TRIM6: variants seen among roughly 807,000 people sequenced by gnomAD.
The protein encoded by TRIM6 is tripartite motif containing 6, also known as tripartite motif-containing protein 6.
Under a neutral mutation model 51.2 loss-of-function variants are expected in TRIM6, and 43 were observed. The observed-to-expected ratio is 0.84, with a 90% CI of 0.66 to 1.08. The LOEUF (loss-of-function observed/expected upper bound fraction) is 1.08, where lower values mean the gene tolerates loss of function less well. TRIM6 is among the 50% of genes least tolerant of loss of function. The pLI is 0.00. For synonymous variants in TRIM6, 215 were observed against 232.4 expected (o/e 0.93, Z 0.68); for missense variants, 669 against 619.0 (o/e 1.08, Z -0.86).
rs145873528 is a variant in TRIM6 at position 5,605,371 on chromosome 11, C to T, written c.638C>T (p.Thr213Ile). ...QMEPERCRIQTEFNQLRNILD... is the reference protein window; with the variant it reads ...QMEPERCRIQIEFNQLRNILD... ...GAGCCTGAGAGATGCAGGATCCAGACAGAGTTTAATCAGCTGCGAAATATC... is the reference window on the plus strand; with the variant it reads ...GAGCCTGAGAGATGCAGGATCCAGATAGAGTTTAATCAGCTGCGAAATATC... The change falls in exon 4 of 8, where the codon ACA (threonine) becomes ATA (isoleucine). Residue 213 changes from threonine to isoleucine, a missense_variant. By Grantham distance (89) the Thr-to-Ile change is moderately conservative (BLOSUM62 -1). Transcript: ENST00000380097. 2 of 1,614,152 alleles carry T rather than the reference C, an allele frequency of 1.2e-6. No homozygotes were observed. Among genetic ancestry groups the T allele is most frequent in the South Asian group, 2.2e-5 (2 of 91,084 alleles).
rs1327818206 is a variant in TRIM6 at position 5,603,199 on chromosome 11, C to T, written c.18-47C>T. On this transcript the variant is annotated intron_variant, in intron 1 of 7. Transcript: ENST00000380097. ...TGGGCAGTCAGTATTCCCTTATTCT[C>T]CCTCCTTTCTTACCCTGATCCTTTT... 2.0e-5 allele frequency: 32 copies of T among 1,578,178 alleles called. No homozygotes were observed. The Admixed American group carries it at 3.7e-4, about 18-fold the overall frequency.
intron 1 of TRIM6, among the ~76,000 whole-genome samples, chr11:5,600,000 A>C (rs1164335051): frequency 6.6e-6 from 1 of 152,204 alleles, no homozygotes; most frequent in Non-Finnish European, 1.5e-5. Context: ...ATATTAACAA[A>C]GGAAATAATA....
chr11:5,603,648 G>A lies in TRIM6; in HGVS notation c.420G>A (p.Gly140=), dbSNP rs145998177. 1.9e-4 allele frequency: 307 copies of A among 1,613,544 alleles called. No homozygotes were observed. Among genetic ancestry groups the A allele is most frequent in the Non-Finnish European group, 2.1e-4 (245 of 1,179,998 alleles). Residue 140 remains glycine, a synonymous_variant, in exon 2 of 8, where the codon GGG becomes GGA. Transcript: ENST00000380097. ...TGCAGCTCTTCTGTCAGGAGGATGG[G>A]AAGGTCATTTGCTGGCTTTGTGAGC... ...EKLQLFCQED[G]KVICWLCERS...
At chr11:5,597,393 T>G (rs956724194) in intron 1 of TRIM6, among the ~76,000 whole-genome samples, 8 of 152,228 alleles carry the variant, frequency 5.3e-5, no homozygotes, top group African/African-American at 1.9e-4. Context: ...AATTATAGGT[T>G]TCTGAAATGC....
chr11:5,611,104 A>G lies in TRIM6; in HGVS notation c.1313A>G (p.His438Arg), dbSNP rs750809356. Residue 438 changes from histidine to arginine, a missense_variant, in exon 8 of 8, where the codon CAT becomes CGT. Physicochemically the swap from His to Arg is conservative, Grantham distance 29. Transcript: ENST00000380097. The stretch of plus-strand genomic sequence containing the variant: ...TGGGTGATTGGGTTACAGCATAACC[A>G]TGAATATAGGGCCTATGAGGATTCT... ...GYWVIGLQHN[H>R]EYRAYEDSSP... 1.1e-5 allele frequency: 18 copies of G among 1,614,192 alleles called. No homozygotes were observed. Among genetic ancestry groups the G allele is most frequent in the Admixed American group, 8.3e-5 (5 of 60,028 alleles).
At chr11:5,601,904 A>G (rs1325866730) in intron 1 of TRIM6, among the ~76,000 whole-genome samples, 1 of 152,188 alleles carries the variant, frequency 6.6e-6, no homozygotes, top group African/African-American at 2.4e-5. Flanking sequence ...TAGAGATCAG[A>G]TACCAGAGAG....
intron 3 of TRIM6, 107 bp from the exon 4 acceptor site, chr11:5,605,230 G>C: frequency 6.8e-7 from 1 of 1,467,582 alleles, no homozygotes; most frequent in Non-Finnish European, 9.5e-7. Context: ...CTCTCCCTGG[G>C]AGGCTTGGCC....
Position 5,611,173 on chromosome 11 carries a change from T to A in TRIM6, c.1382T>A (p.Val461Asp). Residue 461 changes from valine (V) to aspartate (D), a missense_variant, in exon 8 of 8, where the codon GTT becomes GAT. Physicochemically the swap from Val to Asp is radical, Grantham distance 152. Coordinates refer to ENST00000380097, the MANE Select transcript of TRIM6 (RefSeq NM_001003818.3). ...LLSMTVPPRR[V>D]GVFLDYEAGT... ...TCCATGACAGTGCCCCCTCGCCGTGTTGGGGTTTTCTTAGATTATGAGGCT... is the reference window on the plus strand; with the variant it reads ...TCCATGACAGTGCCCCCTCGCCGTGATGGGGTTTTCTTAGATTATGAGGCT... 1 of 1,614,156 alleles carries A rather than the reference T, an allele frequency of 6.2e-7. No homozygotes were observed. Among genetic ancestry groups the A allele is most frequent in the Non-Finnish European group, 8.5e-7 (1 of 1,180,030 alleles).
At position 5,610,584 on chromosome 11, in the gene TRIM6, T is replaced by C. The variant is rs778785821; in HGVS notation, c.985+23T>C. 9.3e-6 allele frequency: 15 copies of C among 1,609,136 alleles called. No individual in the cohort carries two copies. In the African/African-American group the frequency reaches 2.0e-4, roughly 22 times the overall value. On this transcript the variant is annotated intron_variant, in intron 7 of 7. Transcript: ENST00000380097. The stretch of plus-strand genomic sequence containing the variant: ...GGGGTAAGTAGAAGCCATGGCCTCT[T>C]TGGGCTGGCACATTCTGATCTCCTT...
chr11:5,605,240 C>G, intron 3 of TRIM6, 97 bp from the exon 4 acceptor site: 2 of 1,541,336 alleles, frequency 1.3e-6, no homozygotes, highest in South Asian at 1.1e-5. Context: ...GAGGCTTGGC[C>G]CAGGAAAGCA....
At chr11:5,609,314 C>T (rs183126218) in intron 5 of TRIM6, among the ~76,000 whole-genome samples, 2 of 152,248 alleles carry the variant, frequency 1.3e-5, no homozygotes, top group African/African-American at 4.8e-5. Flanking sequence ...ATAACATTCC[C>T]AGAGACGGCA....
At chr11:5,607,832 A>G (rs1303989498) in intron 4 of TRIM6, among the ~76,000 whole-genome samples, 1 of 152,218 alleles carries the variant, frequency 6.6e-6, no homozygotes, top group Non-Finnish European at 1.5e-5. Flanking sequence ...GCTGGTGTAT[A>G]TATTAATCAA....
intron 3 of TRIM6, chr11:5,604,911 C>T (rs1191734633): frequency 1.1e-5 from 5 of 444,940 alleles, no homozygotes; most frequent in African/African-American, 4.0e-5. Context: ...GTTTCAGTCT[C>T]TTTGGCTTTT....
intron 3 of TRIM6, 67 bp downstream of exon 3, chr11:5,604,696 A>G (rs1407432849): frequency 1.3e-6 from 2 of 1,530,786 alleles, no homozygotes; most frequent in African/African-American, 2.8e-5. Flanking sequence ...AGCTGAGGGC[A>G]AAGGAGTCCT....
chr11:5,600,525 A>G (rs7121942), intron 1 of TRIM6, among the ~76,000 whole-genome samples: 147,327 of 152,212 alleles, frequency 0.97, 71,475 homozygotes, highest in Middle Eastern at 1. Context: ...TTATGCTTAC[A>G]TCCCATGACT....
chr11:5,603,936 A>C (rs1291579048), intron 2 of TRIM6, among the ~76,000 whole-genome samples: 1 of 151,936 alleles, frequency 6.6e-6, no homozygotes, highest in Admixed American at 6.6e-5. Flanking sequence ...TTGGGGTAAA[A>C]GGGGTACTTG....
intron 5 of TRIM6, among the ~76,000 whole-genome samples, 173 bp downstream of exon 5, chr11:5,608,567 C>T (rs1056548611): frequency 1.3e-5 from 2 of 152,010 alleles, no homozygotes; most frequent in African/African-American, 4.8e-5. Flanking sequence ...GAACTGGCCT[C>T]TCTGGTAGGA....
At chr11:5,603,768 A>C in intron 2 of TRIM6, 33 bp downstream of exon 2, 1 of 1,606,068 alleles carries the variant, frequency 6.2e-7, no homozygotes, top group Non-Finnish European at 8.5e-7. Context: ...GAGACAGAGA[A>C]ACAGGGTCTT....
intron 3 of TRIM6, chr11:5,605,024 G>T: frequency 2.2e-6 from 1 of 451,580 alleles, no homozygotes; most frequent in East Asian, 4.5e-5. Context: ...TTCCACCTCA[G>T]TACTCGAAAT....
Sources: gnomAD v4.1 joint callset for allele counts (sites outside exome capture counted in the v4.1 genomes callset) on GRCh38, gnomAD v4.1.1 for gene constraint, MANE v1.5 for transcripts, NCBI Gene and HGNC (gene_info 2026-07-23, HGNC 2026-07-21) for gene names.